The following VPS13D variants were observed in gnomAD, a reference collection of about 807,000 sequenced individuals.
VPS13D encodes the protein vacuolar protein sorting 13 homolog D.
A neutral mutation model predicts 461.9 loss-of-function variants in VPS13D; 187 were observed. The observed-to-expected ratio is 0.40, with a 90% CI of 0.36 to 0.46. VPS13D has a LOEUF of 0.46. Among genes scored for constraint, VPS13D ranks in the 20% least tolerant of loss-of-function variants. VPS13D has a pLI of 0.60. For missense variants in VPS13D, 4,711 were observed against 5,364.9 expected (o/e 0.88, Z 3.81); for synonymous variants, 1,951 against 1,986.3 (o/e 0.98, Z 0.47).
rs1193935448 is a variant in VPS13D at position 12,327,322 on chromosome 1, C to A, written c.7991-326C>A. Among the ~76,000 whole-genome samples the A allele has an allele frequency of 2.0e-5, 3 of 152,180 alleles. No individual in the cohort carries two copies. The East Asian group carries it at 5.8e-4, about 29-fold the overall frequency. ...CCTCTCCTGTCCTCTTCTCTCCTCT[C>A]CTTCAACAGATGGCATGGTAGAGAG... On this transcript the variant is annotated intron_variant, in intron 35 of 69. Coordinates refer to ENST00000620676, the MANE Select transcript of VPS13D (RefSeq NM_015378.4).
At position 12,263,911 on chromosome 1, in the gene VPS13D, A is replaced by G. The variant is rs572103577; in HGVS notation, c.1594+1831A>G. The stretch of plus-strand genomic sequence containing the variant: ...ATTGCACTTTGCCTTATTGCACTTC[A>G]TAGACACCACATTTTTTACAAATTG... On this transcript the variant is annotated intron_variant, in intron 13 of 69. Coordinates refer to ENST00000620676, the MANE Select transcript of VPS13D (RefSeq NM_015378.4). Among the ~76,000 whole-genome samples the G allele has an allele frequency of 2.0e-5, 3 of 152,342 alleles. No individual in the cohort carries two copies. In the South Asian group the frequency reaches 6.2e-4, roughly 32 times the overall value.
chr1:12,464,288 G>A (rs1055331797), intron 67 of VPS13D, among the ~76,000 whole-genome samples: 1 of 152,198 alleles, frequency 6.6e-6, no homozygotes, highest in Admixed American at 6.5e-5. Flanking sequence ...GTTGACCTGA[G>A]CCCAGGGACC....
intron 6 of VPS13D, 130 bp from the exon 7 acceptor site, chr1:12,253,592 A>T (rs531608327): frequency 1.2e-5 from 8 of 674,006 alleles, no homozygotes; most frequent in Non-Finnish European, 2.0e-5. Flanking sequence ...GCATGTTTTA[A>T]TTGAGTTATA....
chr1:12,315,369 A>G (rs1364368002), intron 30 of VPS13D, among the ~76,000 whole-genome samples: 2 of 152,248 alleles, frequency 1.3e-5, no homozygotes, highest in African/African-American at 4.8e-5. Context: ...GAGAGAGGTC[A>G]TGATTTCTTC....
intron 67 of VPS13D, among the ~76,000 whole-genome samples, chr1:12,483,150 C>T (rs1645747060): frequency 6.6e-6 from 1 of 152,120 alleles, no homozygotes; most frequent in Non-Finnish European, 1.5e-5. Context: ...ATTTGTACTC[C>T]CACCCACAGT....
chr1:12,363,729 C>A (rs539639431), intron 52 of VPS13D, among the ~76,000 whole-genome samples: 1 of 151,972 alleles, frequency 6.6e-6, no homozygotes, highest in Non-Finnish European at 1.5e-5. Context: ...CCGAGGCAGG[C>A]GGATCACGAG....
rs375092957 is a variant in VPS13D at position 12,324,901 on chromosome 1, A to G, written c.7990+1121A>G. On this transcript the variant is annotated intron_variant, in intron 35 of 69. Coordinates refer to ENST00000620676, the MANE Select transcript of VPS13D (RefSeq NM_015378.4). The stretch of plus-strand genomic sequence containing the variant: ...GGAAACCAGCTCAGATTGGTTAGGT[A>G]AAACTTCTTAAGTAAACTTGGTGGA... Among the ~76,000 whole-genome samples the G allele has an allele frequency of 2.6e-4, 40 of 152,312 alleles. 3 individuals are homozygous for G. The highest frequency in any genetic ancestry group is 2.1e-3 in the Admixed American group (32 of 15,310).
chr1:12,497,175 CTG>C (rs1249308006), intron 67 of VPS13D: 1 of 165,270 alleles, frequency 6.1e-6, no homozygotes, highest in Admixed American at 6.3e-5. Context: ...TTGGCGGGCA[CTG>C]TTTTATTTGG....
At chr1:12,353,870 T>TC (rs1643863741) in intron 46 of VPS13D, 104 bp from the exon 47 acceptor site, 10 of 1,172,022 alleles carry the variant, frequency 8.5e-6, no homozygotes, top group Non-Finnish European at 1.2e-5. Context: ...ATAATTTTAC[T>TC]CATTGAACCA....
chr1:12,270,382 C>T (rs549940409), intron 16 of VPS13D, among the ~76,000 whole-genome samples: 240 of 150,694 alleles, frequency 1.6e-3, no homozygotes, highest in African/African-American at 5.6e-3. Context: ...ACCTGGGAGG[C>T]GGAGGCTGCA....
intron 53 of VPS13D, 32 bp downstream of exon 53, chr1:12,368,623 G>A: frequency 6.2e-7 from 1 of 1,600,806 alleles, no homozygotes; most frequent in Non-Finnish European, 8.5e-7. Flanking sequence ...CAGTTTGACT[G>A]TTTCATGTGT....
intron 7 of VPS13D, among the ~76,000 whole-genome samples, chr1:12,255,147 T>C (rs1300910947): frequency 6.6e-6 from 1 of 152,052 alleles, no homozygotes; most frequent in African/African-American, 2.4e-5. Context: ...GGTTTCGCCA[T>C]GTTGGCCAGG....
In VPS13D at chr1:12,291,133, G is replaced by T. The variant is rs1159465090; in HGVS notation, c.5852+9G>T. 2.5e-6 allele frequency: 4 copies of T among 1,608,742 alleles called. No individual in the cohort carries two copies. On this transcript the variant is annotated intron_variant, in intron 23 of 69. Transcript: ENST00000620676. ...ATCTTCCAGACTTTTAAGTAAAAAT[G>T]TCAATCTTTTTCTGACTTGATATTT...
At chr1:12,322,886 ACTCT>A (rs1446174167) in intron 34 of VPS13D, 140 bp downstream of exon 34, 3 of 712,576 alleles carry the variant, frequency 4.2e-6, no homozygotes, top group Non-Finnish European at 6.8e-6. Context: ...CCTAAGTATG[ACTCT>A]CTCATTTTTT....
At chr1:12,370,431 C>T (rs1471722981) in intron 54 of VPS13D, among the ~76,000 whole-genome samples, 1 of 152,116 alleles carries the variant, frequency 6.6e-6, no homozygotes. Context: ...ATGAATAGGG[C>T]GTTTAAAGTC....
chr1:12,497,076 G>C (rs537338887), intron 67 of VPS13D: 1 of 153,298 alleles, frequency 6.5e-6, no homozygotes, highest in African/African-American at 2.4e-5. Context: ...CTAAAAAAGA[G>C]GGTGCGGCCC....
In VPS13D at chr1:12,348,983, G is replaced by T; in HGVS notation, c.9220+10G>T. 6.2e-7 allele frequency: 1 copy of T among 1,614,122 alleles called. No homozygotes were observed. The highest frequency in any genetic ancestry group is 1.1e-5 in the South Asian group (1 of 91,052). ...CCATCAGCTCCAGACAGTATGTTTTGATTGTCTAGCATATAGTAAATGCTG... is the reference window on the plus strand; with the variant it reads ...CCATCAGCTCCAGACAGTATGTTTTTATTGTCTAGCATATAGTAAATGCTG... On this transcript the variant is annotated intron_variant, in intron 45 of 69. Coordinates refer to ENST00000620676, the MANE Select transcript of VPS13D (RefSeq NM_015378.4).
chr1:12,410,710 A>G (rs1451902411), intron 63 of VPS13D, among the ~76,000 whole-genome samples: 4 of 152,204 alleles, frequency 2.6e-5, no homozygotes, highest in Non-Finnish European at 4.4e-5. Flanking sequence ...TTTCATGAAT[A>G]TAGAAGAAAG....
At chr1:12,352,516 G>T (rs76574502) in intron 46 of VPS13D, among the ~76,000 whole-genome samples, 4 of 152,270 alleles carry the variant, frequency 2.6e-5, no homozygotes, top group Non-Finnish European at 5.9e-5. Flanking sequence ...CATACAGTGG[G>T]TAATGTTTTA....
Sources: gnomAD v4.1 joint callset for allele counts (sites outside exome capture counted in the v4.1 genomes callset) on GRCh38, gnomAD v4.1.1 for gene constraint, MANE v1.5 for transcripts, NCBI Gene and HGNC (gene_info 2026-07-23, HGNC 2026-07-21) for gene names.